The following PRR16 variants were observed in gnomAD, a reference collection of about 807,000 sequenced individuals.
The protein encoded by PRR16 is protein Largen.
In PRR16, 6 loss-of-function variants were observed where a neutral mutation model predicts 18.2. The observed-to-expected ratio is 0.33, with a 90% confidence interval of 0.18 to 0.65. The LOEUF (loss-of-function observed/expected upper bound fraction) is 0.65, where lower values mean the gene tolerates loss of function less well. PRR16 is among the 30% of genes least tolerant of loss of function. The pLI is 0.74. For missense variants in PRR16, 412 were observed against 376.6 expected (o/e 1.09, Z -0.78); for synonymous variants, 151 against 147.8 (o/e 1.02, Z -0.16).
chr5:120,727,782 A>C, the PRR16 span, among the ~76,000 whole-genome samples: 10 of 152,212 alleles, frequency 6.6e-5, 1 homozygote, highest in Admixed American at 5.2e-4. Context: ...AACATGTAAC[A>C]TATTCATGTT....
chr5:120,778,733 AAATTGCAACCCAC>A, the PRR16 span, among the ~76,000 whole-genome samples: 1 of 152,168 alleles, frequency 6.6e-6, no homozygotes, highest in Non-Finnish European at 1.5e-5. Context: ...TAAATTCATA[AAATTGCAACCCAC>A]AAAATCCAAC....
chr5:120,634,643 A>G (rs192707387), intron 1 of PRR16, among the ~76,000 whole-genome samples: 1 of 152,278 alleles, frequency 6.6e-6, no homozygotes, highest in Non-Finnish European at 1.5e-5. Flanking sequence ...ACTCTGTCTC[A>G]AAAAATTAAA....
At chr5:120,487,487 A>T (rs1000639492) in intron 1 of PRR16, among the ~76,000 whole-genome samples, 8 of 152,140 alleles carry the variant, frequency 5.3e-5, no homozygotes, top group Admixed American at 3.9e-4. Flanking sequence ...TGATTTTTGC[A>T]CATTGATTTT....
chr5:120,686,512 C>T lies in PRR16; in HGVS notation c.718C>T (p.Pro240Ser), dbSNP rs767942383. 2.5e-6 allele frequency: 4 copies of T among 1,613,762 alleles called. No homozygotes were observed. Among genetic ancestry groups the T allele is most frequent in the Non-Finnish European group, 3.4e-6 (4 of 1,179,898 alleles). ...CCACTTACACAGTGAACCTGTCCAC[C>T]CACCGGGAAAGATTCCTCACCAAGG... is the stretch of plus-strand genomic sequence containing the variant. ...EVHLHSEPVH[P>S]PGKIPHQGPP... Residue 240 changes from proline to serine, a missense_variant, in exon 2 of 2, where the codon CCA becomes TCA. By Grantham distance (74) the Pro-to-Ser change is moderately conservative (BLOSUM62 -1). Coordinates refer to ENST00000407149, the MANE Select transcript of PRR16 (RefSeq NM_001300783.2).
intron 1 of PRR16, among the ~76,000 whole-genome samples, chr5:120,664,688 A>G (rs894304928): frequency 2.0e-5 from 3 of 152,004 alleles, no homozygotes; most frequent in South Asian, 4.2e-4. Context: ...ATTCACGTCT[A>G]TGAGTGAGAA....
chr5:120,785,595 CAG>C, the PRR16 span, among the ~76,000 whole-genome samples: 1,198 of 57,586 alleles, frequency 0.021, 12 homozygotes, highest in Non-Finnish European at 0.032. Flanking sequence ...TTTTTTGAGA[CAG>C]AGTCTTTCTC....
At chr5:120,638,960 C>A (rs893040347) in intron 1 of PRR16, among the ~76,000 whole-genome samples, 18 of 152,054 alleles carry the variant, frequency 1.2e-4, no homozygotes, top group Admixed American at 3.3e-4. Flanking sequence ...AATATCTTAT[C>A]TGTGCAATTA....
At chr5:120,559,062 T>A (rs1396788332) in intron 1 of PRR16, among the ~76,000 whole-genome samples, 2 of 151,972 alleles carry the variant, frequency 1.3e-5, no homozygotes, top group Admixed American at 6.6e-5. Context: ...AGATGGGTAG[T>A]TTGCAAATAT....
chr5:120,714,342 A>G, the PRR16 span, among the ~76,000 whole-genome samples: 1 of 152,150 alleles, frequency 6.6e-6, no homozygotes, highest in East Asian at 1.9e-4. Context: ...TTGGAGTGGG[A>G]GGTATAGAAA....
intron 1 of PRR16, among the ~76,000 whole-genome samples, chr5:120,625,861 C>A (rs1279323404): frequency 6.6e-6 from 1 of 152,112 alleles, no homozygotes; most frequent in Non-Finnish European, 1.5e-5. Context: ...CATCATCTAA[C>A]CCTCATGACA....
the PRR16 span, among the ~76,000 whole-genome samples, chr5:120,717,305 A>G: frequency 6.6e-6 from 1 of 152,310 alleles, no homozygotes; most frequent in Admixed American, 6.5e-5. Flanking sequence ...GTCTTTAGCC[A>G]GAGGAAAAAA....
chr5:120,699,163 A>G, the PRR16 span, among the ~76,000 whole-genome samples: 1 of 151,970 alleles, frequency 6.6e-6, no homozygotes, highest in African/African-American at 2.4e-5. Flanking sequence ...GAGGGCCTGA[A>G]TTATCCCTGA....
chr5:120,790,505 G>A, the PRR16 span: 2 of 151,948 alleles, frequency 1.3e-5, no homozygotes, highest in East Asian at 3.9e-4. Context: ...GCAATGCACA[G>A]TCTTAGGACG....
chr5:120,694,549 T>C, the PRR16 span, among the ~76,000 whole-genome samples: 1 of 151,578 alleles, frequency 6.6e-6, no homozygotes, highest in Non-Finnish European at 1.5e-5. Flanking sequence ...CCGGGCGAGG[T>C]GGCGGGCGCC....
intron 1 of PRR16, chr5:120,618,483 G>A (rs1212148707): frequency 9.3e-6 from 9 of 969,402 alleles, no homozygotes; most frequent in Middle Eastern, 1.1e-3. Context: ...TCATTTTAAT[G>A]TGTTCTAATT....
intron 1 of PRR16, among the ~76,000 whole-genome samples, chr5:120,543,525 C>T (rs1348598746): frequency 3.3e-5 from 5 of 152,050 alleles, no homozygotes; most frequent in Non-Finnish European, 5.9e-5. Context: ...TTAATCTATA[C>T]CAGTATATAG....
chr5:120,507,120 T>A (rs1750672397), intron 1 of PRR16, among the ~76,000 whole-genome samples: 1 of 152,146 alleles, frequency 6.6e-6, no homozygotes, highest in Admixed American at 6.6e-5. Context: ...CTCCTATTTT[T>A]ATTTTTGAGA....
the PRR16 span, among the ~76,000 whole-genome samples, chr5:120,716,828 C>T: frequency 6.6e-6 from 1 of 152,092 alleles, no homozygotes; most frequent in Non-Finnish European, 1.5e-5. Context: ...GCTGAGATTG[C>T]ATCACTGCAC....
intron 1 of PRR16, among the ~76,000 whole-genome samples, chr5:120,538,440 C>G (rs1025534987): frequency 6.6e-6 from 1 of 152,172 alleles, no homozygotes; most frequent in Non-Finnish European, 1.5e-5. Context: ...TAAACCTCAA[C>G]TGCAAAATTT....
Sources: allele counts gnomAD v4.1 joint callset (sites outside exome capture counted in the v4.1 genomes callset), GRCh38; gene constraint gnomAD v4.1.1; transcripts MANE v1.5; gene names NCBI Gene and HGNC (gene_info 2026-07-23, HGNC 2026-07-21).